Variants in ZFAND3 observed in about 807,000 individuals in gnomAD.
The protein encoded by ZFAND3 is zinc finger AN1-type containing 3, also known as AN1-type zinc finger protein 3.
A neutral mutation model predicts 29.6 loss-of-function variants in ZFAND3; 10 were observed. The ratio of observed to expected loss-of-function variants is 0.34; its 90% CI spans 0.21 to 0.57. The LOEUF (loss-of-function observed/expected upper bound fraction) is 0.57. Ranked by LOEUF, ZFAND3 falls within the 20% of genes least tolerant of loss-of-function variation. The pLI is 0.86. For missense variants in ZFAND3, 230 were observed against 304.5 expected (o/e 0.76, Z 1.82); for synonymous variants, 128 against 112.6 (o/e 1.14, Z -0.87).
At chr6:37,837,442 T>C (rs1010884668) in intron 1 of ZFAND3, among the ~76,000 whole-genome samples, 6 of 152,210 alleles carry the variant, frequency 3.9e-5, no homozygotes, top group African/African-American at 1.4e-4. Flanking sequence ...TAGGGAATTT[T>C]AAGCATTTCA....
intron 3 of ZFAND3, among the ~76,000 whole-genome samples, chr6:38,066,857 A>G (rs947484462): frequency 1.3e-5 from 2 of 152,194 alleles, no homozygotes; most frequent in Non-Finnish European, 2.9e-5. Context: ...CCTGCAGGTA[A>G]ATGAAGCAGG....
At position 37,883,536 on chromosome 6, in the gene ZFAND3, TTTTC is replaced by T. The variant is rs1355749373; in HGVS notation, c.72-46411_72-46408del. On this transcript the variant is annotated intron_variant, in intron 1 of 5. Coordinates refer to ENST00000287218, the MANE Select transcript of ZFAND3 (RefSeq NM_021943.3). ...ATATTTAAATGATGTATACCTTTTC[TTTTC>T]TTTCTTTCTTTTTTTTTTTTGAGAC... 3.3e-4 allele frequency among the ~76,000 whole-genome samples: 48 copies of T among 143,704 alleles called. 3 individuals are homozygous for T. Among genetic ancestry groups the T allele is most frequent in the Middle Eastern group, 3.6e-3 (1 of 278 alleles). 94.3% of individuals were successfully genotyped at this position (143,704 alleles called of 152,430 possible).
intron 1 of ZFAND3, among the ~76,000 whole-genome samples, chr6:37,923,172 A>G (rs570716042): frequency 3.0e-4 from 46 of 152,348 alleles, no homozygotes; most frequent in South Asian, 4.1e-4. Context: ...GCTGGACTCA[A>G]AAGTCCTGGG....
At chr6:37,878,337 G>C (rs1252499915) in intron 1 of ZFAND3, among the ~76,000 whole-genome samples, 1 of 152,212 alleles carries the variant, frequency 6.6e-6, no homozygotes, top group African/African-American at 2.4e-5. Context: ...GCCCTATCCT[G>C]AATGAGTTTG....
chr6:38,096,616 A>G (rs1393455764), intron 4 of ZFAND3, among the ~76,000 whole-genome samples: 1 of 151,234 alleles, frequency 6.6e-6, no homozygotes, highest in Non-Finnish European at 1.5e-5. Flanking sequence ...GAACTCTTTT[A>G]TTTTCCCCTA....
At chr6:37,910,918 A>G (rs768867583) in intron 1 of ZFAND3, among the ~76,000 whole-genome samples, 45 of 152,286 alleles carry the variant, frequency 3.0e-4, no homozygotes, top group African/African-American at 7.7e-4. Context: ...TTGTGTTTAT[A>G]TGTCACATTT....
chr6:37,865,995 C>T (rs1011013285), intron 1 of ZFAND3, among the ~76,000 whole-genome samples: 3 of 152,108 alleles, frequency 2.0e-5, no homozygotes, highest in Non-Finnish European at 1.5e-5. Flanking sequence ...TATCTTTTTG[C>T]CCCTCACTGC....
chr6:38,077,056 G>A (rs1208457578), intron 3 of ZFAND3, among the ~76,000 whole-genome samples: 3 of 151,382 alleles, frequency 2.0e-5, no homozygotes, highest in Non-Finnish European at 4.4e-5. Flanking sequence ...GGACACATCA[G>A]GAAACAGTGC....
chr6:37,989,022 G>GC (rs1346991456), intron 2 of ZFAND3, among the ~76,000 whole-genome samples: 7 of 151,936 alleles, frequency 4.6e-5, no homozygotes, highest in Admixed American at 1.3e-4. Flanking sequence ...TCCTCCCTCA[G>GC]CCTTCCCAGT....
chr6:38,000,317 A>G (rs1414394657), intron 2 of ZFAND3, among the ~76,000 whole-genome samples: 1 of 152,172 alleles, frequency 6.6e-6, no homozygotes, highest in Admixed American at 6.6e-5. Context: ...ATGCCCTCCA[A>G]ACAAATTTGT....
chr6:37,906,767 T>A (rs1765416602), intron 1 of ZFAND3, among the ~76,000 whole-genome samples: 1 of 152,042 alleles, frequency 6.6e-6, no homozygotes. Context: ...TGATTTGCAT[T>A]TTGCTGATGG....
chr6:38,109,897 A>G (rs192478773), intron 4 of ZFAND3, among the ~76,000 whole-genome samples: 1 of 152,248 alleles, frequency 6.6e-6, no homozygotes, highest in East Asian at 1.9e-4. Flanking sequence ...AAGATTTCTG[A>G]TGCCGTATGT....
chr6:37,850,821 A>C (rs951148245), intron 1 of ZFAND3, among the ~76,000 whole-genome samples: 2 of 151,896 alleles, frequency 1.3e-5, no homozygotes, highest in African/African-American at 4.8e-5. Flanking sequence ...CTGGTCTCTG[A>C]CTCCTGGCTT....
At chr6:38,026,830 A>G (rs1298063064) in intron 2 of ZFAND3, among the ~76,000 whole-genome samples, 1 of 152,000 alleles carries the variant, frequency 6.6e-6, no homozygotes, top group Non-Finnish European at 1.5e-5. Flanking sequence ...AATACTAGGT[A>G]TCTCCCTCAA....
chr6:37,994,118 C>CTGTCTGTG (rs1762808530), intron 2 of ZFAND3, among the ~76,000 whole-genome samples: 1 of 150,578 alleles, frequency 6.6e-6, no homozygotes, highest in Non-Finnish European at 1.5e-5. Flanking sequence ...GAGTGTGTGT[C>CTGTCTGTG]TGTGTGTGTG....
intron 1 of ZFAND3, among the ~76,000 whole-genome samples, chr6:37,888,123 C>G (rs1201514172): frequency 2.0e-5 from 3 of 151,916 alleles, no homozygotes; most frequent in African/African-American, 7.2e-5. Context: ...TGGTAAGTAC[C>G]TACGTCTACA....
rs546182233 is a variant in ZFAND3 at position 37,878,537 on chromosome 6, G to A, written c.72-51422G>A. The stretch of plus-strand genomic sequence containing the variant: ...GCCTAGATCCCTCCCGCTTGGCATA[G>A]CCCTGCCCCTGTGACCTGAACACCC... On this transcript the variant is annotated intron_variant, in intron 1 of 5. Coordinates refer to ENST00000287218, the MANE Select transcript of ZFAND3 (RefSeq NM_021943.3). Among the ~76,000 whole-genome samples the A allele has an allele frequency of 3.3e-5, 5 of 152,288 alleles. No homozygotes were observed. In the South Asian group the frequency reaches 1.0e-3, roughly 32 times the overall value.
chr6:37,827,859 C>G (rs1241158585), intron 1 of ZFAND3, among the ~76,000 whole-genome samples: 1 of 152,218 alleles, frequency 6.6e-6, no homozygotes, highest in Non-Finnish European at 1.5e-5. Flanking sequence ...ATGCCACTTG[C>G]TACCGCTCTG....
chr6:38,117,652 G>C (rs1411270501), intron 5 of ZFAND3, among the ~76,000 whole-genome samples: 1 of 152,224 alleles, frequency 6.6e-6, no homozygotes, highest in Admixed American at 6.5e-5. Context: ...TGTAGCCTCT[G>C]AGAATCCTAT....
Sources: allele counts gnomAD v4.1 joint callset (sites outside exome capture counted in the v4.1 genomes callset), GRCh38; gene constraint gnomAD v4.1.1; transcripts MANE v1.5; gene names NCBI Gene and HGNC (gene_info 2026-07-23, HGNC 2026-07-21).